RORA: variants seen among roughly 807,000 people sequenced by gnomAD.
The protein encoded by RORA is nuclear receptor ROR-alpha.
RORA carries 7 observed loss-of-function variants against 69.5 expected under a neutral mutation model. The observed-to-expected ratio is 0.10, with a 90% confidence interval of 0.06 to 0.19. RORA has a LOEUF of 0.19. Among genes scored for constraint, RORA ranks in the 10% least tolerant of loss-of-function variants. The probability of loss-of-function intolerance (pLI) is 1.00; values close to 1 mark genes in which losing one functional copy is unlikely to be tolerated. For synonymous variants in RORA, 261 were observed against 240.8 expected, an observed-to-expected ratio of 1.08 and a Z score of -0.78; for missense variants, 457 against 663.0, an observed-to-expected ratio of 0.69 and a Z score of 3.41.
chr15:60,688,467 T>G (rs1296724883), intron 1 of RORA, among the ~76,000 whole-genome samples: 1 of 152,068 alleles, frequency 6.6e-6, no homozygotes, highest in Non-Finnish European at 1.5e-5. Flanking sequence ...GAAGATAAAA[T>G]GAAATAAAGC....
intron 1 of RORA, among the ~76,000 whole-genome samples, chr15:60,999,121 A>C (rs1350577252): frequency 6.6e-6 from 1 of 152,240 alleles, no homozygotes; most frequent in African/African-American, 2.4e-5. Flanking sequence ...GTTGTTGCTG[A>C]TGTGTTCAAG....
At chr15:60,602,829 C>G (rs2068850537) in intron 2 of RORA, among the ~76,000 whole-genome samples, 1 of 152,106 alleles carries the variant, frequency 6.6e-6, no homozygotes, top group Non-Finnish European at 1.5e-5. Flanking sequence ...GGATACAGTT[C>G]TTTGAGTTGT....
intron 1 of RORA, among the ~76,000 whole-genome samples, chr15:60,789,405 G>A (rs1458137576): frequency 3.3e-5 from 5 of 152,242 alleles, no homozygotes; most frequent in African/African-American, 4.8e-5. Context: ...CTCTAGAAGA[G>A]TCTTCCTTCT....
At chr15:61,083,226 T>C (rs2140668450) in intron 1 of RORA, among the ~76,000 whole-genome samples, 1 of 152,232 alleles carries the variant, frequency 6.6e-6, no homozygotes, top group East Asian at 1.9e-4. Flanking sequence ...ACGGCTTCCC[T>C]CTCCCAGCCT....
chr15:61,062,863 T>G (rs1193445266), intron 1 of RORA, among the ~76,000 whole-genome samples: 2 of 152,212 alleles, frequency 1.3e-5, no homozygotes, highest in Admixed American at 6.5e-5. Context: ...TAGTCTGTGA[T>G]GAAGCACGTG....
intron 2 of RORA, chr15:60,627,308 C>G (rs1172632529): frequency 6.2e-7 from 1 of 1,614,160 alleles, no homozygotes; most frequent in Non-Finnish European, 8.5e-7. Flanking sequence ...AGACAATGAC[C>G]CATGATTGAC....
chr15:60,695,342 G>A (rs914412018), intron 1 of RORA, among the ~76,000 whole-genome samples: 1 of 152,036 alleles, frequency 6.6e-6, no homozygotes, highest in East Asian at 1.9e-4. Flanking sequence ...TTCTCTTTTC[G>A]TCTTTGTCAC....
chr15:60,588,525 C>T (rs1002310548), intron 2 of RORA, among the ~76,000 whole-genome samples: 2 of 152,064 alleles, frequency 1.3e-5, no homozygotes, highest in Non-Finnish European at 2.9e-5. Context: ...ATATTATTTT[C>T]CTAGATACCC....
intron 1 of RORA, among the ~76,000 whole-genome samples, chr15:61,144,123 C>A (rs555916181): frequency 6.6e-6 from 1 of 152,220 alleles, no homozygotes; most frequent in African/African-American, 2.4e-5. Context: ...CTACTGGGCT[C>A]CCTGGGAAGC....
At chr15:61,166,348 A>G (rs970031575) in intron 1 of RORA, among the ~76,000 whole-genome samples, 1 of 152,114 alleles carries the variant, frequency 6.6e-6, no homozygotes, top group Non-Finnish European at 1.5e-5. Context: ...ATACCAGAAT[A>G]ATTTCCCCAC....
intron 1 of RORA, among the ~76,000 whole-genome samples, chr15:60,690,897 C>T (rs1320752134): frequency 6.6e-6 from 1 of 152,168 alleles, no homozygotes; most frequent in Non-Finnish European, 1.5e-5. Context: ...TACTTAGAAG[C>T]TCCATGTAAG....
At chr15:60,506,679 C>A (rs922794884) in intron 5 of RORA, among the ~76,000 whole-genome samples, 3 of 151,572 alleles carry the variant, frequency 2.0e-5, no homozygotes, top group African/African-American at 7.3e-5. Context: ...ATGGTGAAAC[C>A]CTGTCTCTAT....
chr15:61,027,838 A>C (rs1309094706), intron 1 of RORA, among the ~76,000 whole-genome samples: 1 of 152,214 alleles, frequency 6.6e-6, no homozygotes, highest in Non-Finnish European at 1.5e-5. Context: ...ACCAATCTGC[A>C]AAATGGTAAC....
chr15:60,583,709 A>AT (rs779434678), intron 2 of RORA, among the ~76,000 whole-genome samples: 51 of 152,362 alleles, frequency 3.3e-4, no homozygotes, highest in African/African-American at 1.1e-3. Flanking sequence ...TAGCAAGGCC[A>AT]AAGTTAACAG....
chr15:61,063,047 C>A (rs1419718954), intron 1 of RORA, among the ~76,000 whole-genome samples: 1 of 152,172 alleles, frequency 6.6e-6, no homozygotes, highest in Non-Finnish European at 1.5e-5. Context: ...AACTCACAGA[C>A]CCGGCGTATT....
intron 1 of RORA, among the ~76,000 whole-genome samples, chr15:60,707,002 G>A (rs995262960): frequency 6.6e-5 from 10 of 152,206 alleles, no homozygotes; most frequent in African/African-American, 2.4e-4. Context: ...GGTTTTACAA[G>A]AGAAAGACAC....
At chr15:60,599,725 C>G (rs997320639) in intron 2 of RORA, among the ~76,000 whole-genome samples, 26 of 152,244 alleles carry the variant, frequency 1.7e-4, no homozygotes, top group African/African-American at 4.8e-4. Context: ...CCTCACAGTG[C>G]CCAGGACAGA....
At chr15:60,659,295 T>C (rs2070268159) in intron 2 of RORA, among the ~76,000 whole-genome samples, 1 of 152,202 alleles carries the variant, frequency 6.6e-6, no homozygotes, top group South Asian at 2.1e-4. Context: ...GTCCCAGTCT[T>C]GCTTCCACTT....
intron 1 of RORA, among the ~76,000 whole-genome samples, chr15:61,070,997 C>T (rs2078334320): frequency 6.6e-6 from 1 of 151,520 alleles, no homozygotes; most frequent in African/African-American, 2.4e-5. Flanking sequence ...CTGTAAATAC[C>T]CCATTAGTAA....
Sources: allele counts gnomAD v4.1 joint callset (sites outside exome capture counted in the v4.1 genomes callset), GRCh38; gene constraint gnomAD v4.1.1; transcripts MANE v1.5; gene names NCBI Gene and HGNC (gene_info 2026-07-23, HGNC 2026-07-21).